The following TNR variants were observed in gnomAD, a reference collection of about 807,000 sequenced individuals.
TNR encodes the protein tenascin-R.
Under a neutral mutation model 150.4 loss-of-function variants are expected in TNR, and 45 were observed. That is an observed-to-expected ratio of 0.30 (90% CI 0.24 to 0.38). TNR has a LOEUF of 0.38. TNR is among the 10% of genes least tolerant of loss of function. TNR has a pLI of 1.00. For synonymous variants in TNR, 687 were observed against 678.4 expected, an observed-to-expected ratio of 1.01 and a Z score of -0.20; for missense variants, 1,544 against 1,759.1, an observed-to-expected ratio of 0.88 and a Z score of 2.19.
Position 175,333,386 on chromosome 1 carries a change from C to G in TNR, c.3631+2325G>C, listed in dbSNP as rs1319812422. The G allele has an allele frequency of 2.0e-5, 3 of 152,168 alleles. No individual in the cohort carries two copies. The East Asian group carries it at 5.8e-4, about 29-fold the overall frequency. 9.4% of individuals were successfully genotyped at this position (152,168 alleles called of 1,614,324 possible). ...CAGCTTTGGGAAACGTGAGTCCTGT[C>G]TGCTTATGGATGTATCGATTCATGG... On this transcript the variant is annotated intron_variant, in intron 20 of 22. Transcript: ENST00000367674.
intron 1 of TNR, among the ~76,000 whole-genome samples, chr1:175,529,612 C>G (rs1488698129): frequency 6.6e-6 from 1 of 152,162 alleles, no homozygotes; most frequent in Non-Finnish European, 1.5e-5. Flanking sequence ...TCTAATCTGG[C>G]TGCTCACCAA....
chr1:175,487,290 G>C (rs1401521710), intron 2 of TNR, among the ~76,000 whole-genome samples: 1 of 152,184 alleles, frequency 6.6e-6, no homozygotes. Context: ...TGATCCGACA[G>C]GAGGTGGAGC....
At chr1:175,503,850 T>A (rs1304072471) in intron 2 of TNR, among the ~76,000 whole-genome samples, 1 of 152,120 alleles carries the variant, frequency 6.6e-6, no homozygotes, top group African/African-American at 2.4e-5. Context: ...AGCAATGCCT[T>A]CCTTTTGAGG....
chr1:175,513,694 C>T (rs970942194), intron 2 of TNR, among the ~76,000 whole-genome samples: 4 of 152,186 alleles, frequency 2.6e-5, no homozygotes, highest in Non-Finnish European at 5.9e-5. Flanking sequence ...AGAGCTCTGA[C>T]AGGGAAGAGG....
chr1:175,491,796 C>T (rs1352726205), intron 2 of TNR, among the ~76,000 whole-genome samples: 1 of 151,916 alleles, frequency 6.6e-6, no homozygotes, highest in East Asian at 1.9e-4. Flanking sequence ...ACTATAGGCA[C>T]CCACCACCAC....
intron 1 of TNR, among the ~76,000 whole-genome samples, chr1:175,646,990 C>T (rs1179829265): frequency 6.6e-6 from 1 of 152,238 alleles, no homozygotes; most frequent in Non-Finnish European, 1.5e-5. Flanking sequence ...TCCAGGCTCC[C>T]AGCTGCCCTC....
In TNR at chr1:175,556,134, A is replaced by G. The variant is rs1197594594; in HGVS notation, c.-164-27765T>C. On this transcript the variant is annotated intron_variant, in intron 1 of 22. Coordinates refer to ENST00000367674, the MANE Select transcript of TNR (RefSeq NM_003285.3). ...GACGGCCTTTTTGGCATGTAATGAAATACAGAGCCATTCTGAAGATGGGCT... is the reference window on the plus strand; with the variant it reads ...GACGGCCTTTTTGGCATGTAATGAAGTACAGAGCCATTCTGAAGATGGGCT... Among the ~76,000 whole-genome samples, 3 of 152,254 alleles carry G rather than the reference A, an allele frequency of 2.0e-5. No homozygotes were observed. In the East Asian group the frequency reaches 5.8e-4, roughly 29 times the overall value.
At chr1:175,510,656 T>C (rs74127317) in intron 2 of TNR, among the ~76,000 whole-genome samples, 4,296 of 152,298 alleles carry the variant, frequency 0.028, 93 homozygotes, top group African/African-American at 0.057. Flanking sequence ...CAGGAAACTA[T>C]AAAAAGAAGA....
At position 175,596,457 on chromosome 1, in the gene TNR, T is replaced by C. The variant is rs939033960; in HGVS notation, c.-164-68088A>G. Among the ~76,000 whole-genome samples, 25 of 152,184 alleles carry C rather than the reference T, an allele frequency of 1.6e-4. 1 individual carries two copies. The highest frequency in any genetic ancestry group is 4.6e-4 in the Admixed American group (7 of 15,282). On this transcript the variant is annotated intron_variant, in intron 1 of 22. Transcript: ENST00000367674. Reference sequence around the variant, plus strand: ...AATCATTTCAGTTTGAGACACCTGCTGTACTGTGGGCTCTTCTGCTACTCA... The same window carrying C: ...AATCATTTCAGTTTGAGACACCTGCCGTACTGTGGGCTCTTCTGCTACTCA...
At chr1:175,565,720 A>C (rs1244641536) in intron 1 of TNR, among the ~76,000 whole-genome samples, 1 of 152,240 alleles carries the variant, frequency 6.6e-6, no homozygotes, top group African/African-American at 2.4e-5. Flanking sequence ...CACAAGACTT[A>C]CTTAAAAGGA....
intron 2 of TNR, among the ~76,000 whole-genome samples, chr1:175,451,368 C>T (rs1656310368): frequency 6.6e-6 from 1 of 152,146 alleles, no homozygotes; most frequent in Non-Finnish European, 1.5e-5. Flanking sequence ...TTTCCCTTCC[C>T]CCTTCCCCCA....
At chr1:175,383,567 T>G (rs16848369) in intron 8 of TNR, among the ~76,000 whole-genome samples, 8,207 of 152,318 alleles carry the variant, frequency 0.054, 313 homozygotes, top group Middle Eastern at 0.18. Flanking sequence ...TTCAGGGTTC[T>G]TTCCTTTTCA....
At chr1:175,358,682 G>A (rs553249136) in intron 15 of TNR, among the ~76,000 whole-genome samples, 1 of 152,138 alleles carries the variant, frequency 6.6e-6, no homozygotes, top group Non-Finnish European at 1.5e-5. Flanking sequence ...ACTTCCCTAA[G>A]CCTAGAGACT....
intron 2 of TNR, among the ~76,000 whole-genome samples, chr1:175,416,480 T>C (rs1294291466): frequency 6.6e-6 from 1 of 152,234 alleles, no homozygotes; most frequent in Non-Finnish European, 1.5e-5. Flanking sequence ...TTGCTATCAT[T>C]AATGTCTATT....
At chr1:175,728,933 C>A (rs1442020145) in intron 1 of TNR, among the ~76,000 whole-genome samples, 1 of 152,144 alleles carries the variant, frequency 6.6e-6, no homozygotes, top group Non-Finnish European at 1.5e-5. Context: ...CCCAAGCTCC[C>A]GAGCTAATGA....
intron 2 of TNR, among the ~76,000 whole-genome samples, chr1:175,515,857 G>A (rs550895505): frequency 9.8e-5 from 15 of 152,290 alleles, no homozygotes; most frequent in Admixed American, 3.3e-4. Flanking sequence ...CTAAACTAAA[G>A]TGTATTCTAA....
chr1:175,719,345 C>A (rs1267507951), intron 1 of TNR, among the ~76,000 whole-genome samples: 1 of 152,168 alleles, frequency 6.6e-6, no homozygotes, highest in Admixed American at 6.5e-5. Flanking sequence ...CCACACACTG[C>A]AGCACCCCCA....
At chr1:175,580,906 G>A (rs1278802666) in intron 1 of TNR, among the ~76,000 whole-genome samples, 2 of 152,088 alleles carry the variant, frequency 1.3e-5, no homozygotes, top group Non-Finnish European at 2.9e-5. Flanking sequence ...CTTCTAGAAA[G>A]AACAGAGGGT....
chr1:175,706,928 A>G (rs976171292), intron 1 of TNR, among the ~76,000 whole-genome samples: 5 of 152,098 alleles, frequency 3.3e-5, no homozygotes, highest in Non-Finnish European at 7.4e-5. Context: ...ATAAGGCCTG[A>G]CTGGGATTCT....
Sources: allele counts gnomAD v4.1 joint callset (sites outside exome capture counted in the v4.1 genomes callset), GRCh38; gene constraint gnomAD v4.1.1; transcripts MANE v1.5; gene names NCBI Gene and HGNC (gene_info 2026-07-23, HGNC 2026-07-21).